AK5: variants seen among roughly 807,000 people sequenced by gnomAD.
The protein encoded by AK5 is adenylate kinase 5.
A neutral mutation model predicts 69.5 loss-of-function variants in AK5; 27 were observed. That is an observed-to-expected ratio of 0.39 (90% CI 0.29 to 0.54). The LOEUF (loss-of-function observed/expected upper bound fraction) is 0.54, where lower values mean the gene tolerates loss of function less well. AK5 is among the 20% of genes least tolerant of loss of function. The probability of loss-of-function intolerance (pLI) is 0.71; values close to 1 mark genes in which losing one functional copy is unlikely to be tolerated. For missense variants in AK5, 531 were observed against 700.4 expected (o/e 0.76, Z 2.73); for synonymous variants, 260 against 244.4 (o/e 1.06, Z -0.60).
At chr1:77,347,588 T>G (rs949320536) in intron 6 of AK5, among the ~76,000 whole-genome samples, 6 of 152,214 alleles carry the variant, frequency 3.9e-5, no homozygotes, top group Non-Finnish European at 7.3e-5. Context: ...ATACTGTCAT[T>G]ATTGTGGGCT....
intron 5 of AK5, among the ~76,000 whole-genome samples, chr1:77,324,298 A>T (rs576063354): frequency 3.3e-3 from 169 of 50,890 alleles, no homozygotes; most frequent in Admixed American, 5.7e-3. Flanking sequence ...GGAACATATT[A>T]AAAAAAAGTT....
chr1:77,452,554 CA>C (rs1296816231), intron 8 of AK5, among the ~76,000 whole-genome samples: 1 of 152,204 alleles, frequency 6.6e-6, no homozygotes, highest in Non-Finnish European at 1.5e-5. Context: ...AAAATATCTG[CA>C]GTCTGTTGAT....
At chr1:77,452,477 G>A (rs1653217278) in intron 8 of AK5, among the ~76,000 whole-genome samples, 1 of 152,206 alleles carries the variant, frequency 6.6e-6, no homozygotes, top group South Asian at 2.1e-4. Flanking sequence ...AATGTTTGGA[G>A]TAAGAGCTGT....
intron 6 of AK5, among the ~76,000 whole-genome samples, chr1:77,342,763 G>T (rs989851694): frequency 6.6e-6 from 1 of 151,474 alleles, no homozygotes; most frequent in Non-Finnish European, 1.5e-5. Context: ...TTAATAATAA[G>T]CATGTTAAGA....
At chr1:77,321,472 CAA>C (rs749186735) in intron 5 of AK5, among the ~76,000 whole-genome samples, 2 of 131,250 alleles carry the variant, frequency 1.5e-5, no homozygotes, top group African/African-American at 2.8e-5. Flanking sequence ...GACTCCGTCT[CAA>C]AAAAAAAAAA....
chr1:77,372,772 CGTGT>C (rs34235538), intron 6 of AK5, among the ~76,000 whole-genome samples: 24 of 149,616 alleles, frequency 1.6e-4, no homozygotes, highest in African/African-American at 5.4e-4. Context: ...TGTGTGTGTG[CGTGT>C]GTGTGTGTGT....
At chr1:77,289,862 C>CAAAA (rs55819317) in intron 2 of AK5, among the ~76,000 whole-genome samples, 4 of 64,696 alleles carry the variant, frequency 6.2e-5, no homozygotes, top group Non-Finnish European at 1.1e-4. Flanking sequence ...GACTCCGTCT[C>CAAAA]AAAAAAAAAA....
At chr1:77,367,600 ATATATATGTAATATATATGT>A (rs1404535267) in intron 6 of AK5, among the ~76,000 whole-genome samples, 1 of 42,234 alleles carries the variant, frequency 2.4e-5, no homozygotes, top group African/African-American at 7.7e-5. Flanking sequence ...TATATATGTA[ATATATATGTAATATATATGT>A]TATATATGTA....
intron 5 of AK5, chr1:77,314,411 TAA>T (rs10712325): frequency 6.2e-4 from 92 of 148,584 alleles, no homozygotes; most frequent in South Asian, 3.8e-3. Flanking sequence ...ACCAAAAAAA[TAA>T]AAAAAAAAAA....
intron 8 of AK5, among the ~76,000 whole-genome samples, chr1:77,430,192 C>A (rs1053538124): frequency 6.6e-6 from 1 of 150,834 alleles, no homozygotes; most frequent in Non-Finnish European, 1.5e-5. Context: ...TGCAGTGGTC[C>A]AAACAAGAGT....
chr1:77,416,847 A>G (rs1282071881), intron 7 of AK5, among the ~76,000 whole-genome samples: 1 of 152,168 alleles, frequency 6.6e-6, no homozygotes, highest in African/African-American at 2.4e-5. Context: ...GATATATAAT[A>G]TTTTATGGGC....
intron 8 of AK5, among the ~76,000 whole-genome samples, chr1:77,432,022 GT>G (rs1651672389): frequency 6.6e-6 from 1 of 152,138 alleles, no homozygotes; most frequent in Admixed American, 6.5e-5. Context: ...TTTTGTGGTA[GT>G]TTTGTTATCA....
chr1:77,382,525 T>C (rs1184072931), intron 6 of AK5, among the ~76,000 whole-genome samples: 2 of 152,128 alleles, frequency 1.3e-5, no homozygotes, highest in Admixed American at 1.3e-4. Flanking sequence ...TAATTTTTAA[T>C]TTTTTATAGA....
chr1:77,325,164 T>TTTG (rs1553132818), intron 5 of AK5, among the ~76,000 whole-genome samples: 68 of 142,788 alleles, frequency 4.8e-4, no homozygotes, highest in Admixed American at 4.2e-3. Context: ...GTTTTTTGTT[T>TTTG]TTTTTTTTTT....
At chr1:77,471,873 G>A (rs1291062125) in intron 8 of AK5, among the ~76,000 whole-genome samples, 8 of 152,100 alleles carry the variant, frequency 5.3e-5, no homozygotes, top group Non-Finnish European at 1.2e-4. Context: ...GAACATTGTC[G>A]GCCTTGTACA....
At chr1:77,438,651 A>G (rs945226873) in intron 8 of AK5, among the ~76,000 whole-genome samples, 1 of 152,200 alleles carries the variant, frequency 6.6e-6, no homozygotes, top group Non-Finnish European at 1.5e-5. Context: ...ATAGATGTGC[A>G]TAACCAGACC....
At chr1:77,322,497 A>C (rs1031813366) in intron 5 of AK5, among the ~76,000 whole-genome samples, 4 of 152,166 alleles carry the variant, frequency 2.6e-5, no homozygotes, top group African/African-American at 9.7e-5. Context: ...TTCTCAATCA[A>C]CTGATGCCAA....
chr1:77,558,434 A>G (rs1660238134), intron 13 of AK5, among the ~76,000 whole-genome samples, 168 bp from the exon 14 acceptor site: 1 of 140,744 alleles, frequency 7.1e-6, no homozygotes, highest in Non-Finnish European at 1.5e-5. Flanking sequence ...TTTAATTGAG[A>G]CACCTAGTTT....
At chr1:77,365,771 A>G (rs1297787353) in intron 6 of AK5, among the ~76,000 whole-genome samples, 1 of 152,198 alleles carries the variant, frequency 6.6e-6, no homozygotes, top group African/African-American at 2.4e-5. Context: ...CCAGCAGGCC[A>G]TGGACAGGAC....
Sources: allele counts gnomAD v4.1 joint callset (sites outside exome capture counted in the v4.1 genomes callset), GRCh38; gene constraint gnomAD v4.1.1; transcripts MANE v1.5; gene names NCBI Gene and HGNC (gene_info 2026-07-23, HGNC 2026-07-21).